SLC9A9: variants seen among roughly 807,000 people sequenced by gnomAD.
The protein encoded by SLC9A9 is solute carrier family 9 member A9.
Under a neutral mutation model 77.8 loss-of-function variants are expected in SLC9A9, and 62 were observed. The observed-to-expected ratio is 0.80, with a 90% CI of 0.65 to 0.98. The LOEUF is 0.98. Ranked by LOEUF, SLC9A9 falls within the 50% of genes least tolerant of loss-of-function variation. The probability of loss-of-function intolerance (pLI) is 0.00; values close to 1 mark genes in which losing one functional copy is unlikely to be tolerated. For missense variants in SLC9A9, 775 were observed against 774.9 expected (o/e 1.00, Z 0.00); for synonymous variants, 320 against 283.5 (o/e 1.13, Z -1.29).
At chr3:143,566,509 T>C (rs1431251674) in intron 8 of SLC9A9, among the ~76,000 whole-genome samples, 1 of 152,190 alleles carries the variant, frequency 6.6e-6, no homozygotes, top group Non-Finnish European at 1.5e-5. Context: ...AGAATCAGAT[T>C]AGAAAGCCCA....
intron 4 of SLC9A9, among the ~76,000 whole-genome samples, chr3:143,772,022 A>ATG (rs55750613): frequency 0.097 from 13,747 of 141,594 alleles, 866 homozygotes; most frequent in African/African-American, 0.18. Flanking sequence ...CATCCCCAGA[A>ATG]TGTGTGTGTG....
At chr3:143,686,786 AG>A (rs1360809875) in intron 5 of SLC9A9, among the ~76,000 whole-genome samples, 1 of 152,190 alleles carries the variant, frequency 6.6e-6, no homozygotes, top group Non-Finnish European at 1.5e-5. Flanking sequence ...CTCCTTGACA[AG>A]CTTTGGCTAA....
chr3:143,303,373 C>CT (rs112101322), intron 14 of SLC9A9, among the ~76,000 whole-genome samples: 19,664 of 142,594 alleles, frequency 0.14, 1,611 homozygotes, highest in Admixed American at 0.23. Context: ...TTTTTCTTTT[C>CT]TTTTTTTTTT....
intron 4 of SLC9A9, among the ~76,000 whole-genome samples, chr3:143,694,167 A>T (rs961974669): frequency 2.0e-5 from 3 of 152,160 alleles, no homozygotes; most frequent in Non-Finnish European, 4.4e-5. Flanking sequence ...ACTCACGTGA[A>T]CTTAAAGTTA....
intron 2 of SLC9A9, among the ~76,000 whole-genome samples, chr3:143,823,141 C>G (rs2009212382): frequency 6.6e-6 from 1 of 152,226 alleles, no homozygotes; most frequent in East Asian, 1.9e-4. Flanking sequence ...ACAGAGAATT[C>G]ACCATTTGCC....
At chr3:143,791,030 A>G (rs959290909) in intron 4 of SLC9A9, among the ~76,000 whole-genome samples, 1 of 152,228 alleles carries the variant, frequency 6.6e-6, no homozygotes, top group Admixed American at 6.5e-5. Context: ...CATGGTGTAT[A>G]GGGTGGAGAC....
At chr3:143,306,258 C>G (rs1481509864) in intron 14 of SLC9A9, among the ~76,000 whole-genome samples, 1 of 152,194 alleles carries the variant, frequency 6.6e-6, no homozygotes, top group Non-Finnish European at 1.5e-5. Flanking sequence ...GGACCTGGCC[C>G]TTTCTGCCCT....
At chr3:143,813,427 G>C (rs976975529) in intron 2 of SLC9A9, among the ~76,000 whole-genome samples, 1 of 152,180 alleles carries the variant, frequency 6.6e-6, no homozygotes, top group African/African-American at 2.4e-5. Flanking sequence ...GGAATAGAGA[G>C]TGACTAGTCT....
At chr3:143,644,248 T>C (rs1322526212) in intron 6 of SLC9A9, among the ~76,000 whole-genome samples, 1 of 152,238 alleles carries the variant, frequency 6.6e-6, no homozygotes, top group East Asian at 1.9e-4. Context: ...ATCTGACTTA[T>C]ATACCAATAA....
At chr3:143,335,812 A>G (rs2031905081) in intron 14 of SLC9A9, among the ~76,000 whole-genome samples, 3 of 152,170 alleles carry the variant, frequency 2.0e-5, no homozygotes, top group African/African-American at 7.2e-5. Context: ...AAGCTTTTGG[A>G]AGAAAACATA....
intron 12 of SLC9A9, among the ~76,000 whole-genome samples, chr3:143,416,250 T>C (rs1378436874): frequency 6.6e-6 from 1 of 152,192 alleles, no homozygotes; most frequent in Non-Finnish European, 1.5e-5. Flanking sequence ...TTTAGTATAT[T>C]ATACAAACTT....
At chr3:143,599,691 A>C (rs1349022709) in intron 6 of SLC9A9, among the ~76,000 whole-genome samples, 1 of 152,324 alleles carries the variant, frequency 6.6e-6, no homozygotes, top group Non-Finnish European at 1.5e-5. Context: ...AAATTCCTTC[A>C]AGGCATCCTT....
At chr3:143,829,847 G>T (rs928981067) in intron 2 of SLC9A9, among the ~76,000 whole-genome samples, 1 of 152,152 alleles carries the variant, frequency 6.6e-6, no homozygotes. Flanking sequence ...ATGTTAGCCA[G>T]GCACTTTATA....
intron 4 of SLC9A9, among the ~76,000 whole-genome samples, chr3:143,767,506 G>A (rs2007364902): frequency 6.6e-6 from 1 of 151,862 alleles, no homozygotes; most frequent in Non-Finnish European, 1.5e-5. Flanking sequence ...ACCTCAACTA[G>A]AAAGCTCTCT....
chr3:143,706,037 C>T (rs1392481133), intron 4 of SLC9A9, among the ~76,000 whole-genome samples: 3 of 152,134 alleles, frequency 2.0e-5, no homozygotes, highest in Non-Finnish European at 2.9e-5. Flanking sequence ...AGGAACACAG[C>T]GTATTTACTG....
intron 6 of SLC9A9, among the ~76,000 whole-genome samples, chr3:143,632,543 C>T (rs1338333089): frequency 1.3e-5 from 2 of 152,172 alleles, no homozygotes; most frequent in Non-Finnish European, 2.9e-5. Flanking sequence ...CATTACCCAA[C>T]TGATCCCCAA....
chr3:143,496,298 C>A (rs1056522051), intron 9 of SLC9A9, among the ~76,000 whole-genome samples: 3 of 152,154 alleles, frequency 2.0e-5, no homozygotes, highest in African/African-American at 7.2e-5. Context: ...ACAACAAAGG[C>A]AGATTTGGAA....
At chr3:143,518,036 A>C in intron 9 of SLC9A9, 2 of 1,443,162 alleles carry the variant, frequency 1.4e-6, no homozygotes, top group Non-Finnish European at 1.9e-6. Context: ...GTCTTCCTCC[A>C]CCTTCTTACT....
At chr3:143,807,246 C>G (rs1431600620) in intron 2 of SLC9A9, among the ~76,000 whole-genome samples, 2 of 151,798 alleles carry the variant, frequency 1.3e-5, no homozygotes, top group East Asian at 2.0e-4. Flanking sequence ...AAGTTCAAGA[C>G]CAGCCTGGCC....
Sources: gnomAD v4.1 joint callset for allele counts (sites outside exome capture counted in the v4.1 genomes callset) on GRCh38, gnomAD v4.1.1 for gene constraint, MANE v1.5 for transcripts, NCBI Gene and HGNC (gene_info 2026-07-23, HGNC 2026-07-21) for gene names.